Variants in WDR19 observed in about 807,000 individuals in gnomAD.
WDR19 encodes WD repeat domain 19.
A neutral mutation model predicts 180.0 loss-of-function variants in WDR19; 121 were observed. The ratio of observed to expected loss-of-function variants is 0.67; its 90% CI spans 0.58 to 0.78. The LOEUF (loss-of-function observed/expected upper bound fraction) is 0.78. Ranked by LOEUF, WDR19 falls within the 30% of genes least tolerant of loss-of-function variation. WDR19 has a pLI of 0.00. For missense variants in WDR19, 1,450 were observed against 1,640.7 expected, an observed-to-expected ratio of 0.88 and a Z score of 2.01; for synonymous variants, 497 against 540.7, an observed-to-expected ratio of 0.92 and a Z score of 1.12.
intron 20 of WDR19, chr4:39,238,098 A>G (rs999275517): frequency 6.6e-6 from 1 of 152,182 alleles, no homozygotes; most frequent in African/African-American, 2.4e-5. Context: ...TTCGGACCCT[A>G]ATGTACACAC....
At chr4:39,186,478 CAAAAAAAAAAAAA>C (rs71192831) in intron 2 of WDR19, 48 bp from the exon 3 acceptor site, 7 of 363,468 alleles carry the variant, frequency 1.9e-5, no homozygotes, top group African/African-American at 1.4e-4. Context: ...GACTCTGTCT[CAAAAAAAAAAAAA>C]AAAAAAAAAA....
chr4:39,250,396 T>A (rs1352576859), intron 24 of WDR19, among the ~76,000 whole-genome samples: 2 of 152,086 alleles, frequency 1.3e-5, no homozygotes, highest in African/African-American at 4.8e-5. Context: ...CCACAGCCAA[T>A]ATCATACTGA....
chr4:39,205,038 C>T (rs1222648945), intron 7 of WDR19, 116 bp from the exon 8 acceptor site: 2 of 663,232 alleles, frequency 3.0e-6, no homozygotes, highest in African/African-American at 3.6e-5. Context: ...GCATTTAGCA[C>T]ATCTAAATTG....
At chr4:39,237,406 A>G (rs556687627) in intron 20 of WDR19, among the ~76,000 whole-genome samples, 149 of 152,138 alleles carry the variant, frequency 9.8e-4, no homozygotes, top group Middle Eastern at 3.4e-3. Flanking sequence ...CAAAGAAAAA[A>G]AAAAGAAAAG....
intron 28 of WDR19, among the ~76,000 whole-genome samples, chr4:39,261,144 A>ATTT (rs35966394): frequency 7.4e-6 from 1 of 135,196 alleles, no homozygotes; most frequent in Admixed American, 7.4e-5. Context: ...ACACGCGGCT[A>ATTT]TTTTTTTTTT....
intron 15 of WDR19, 134 bp downstream of exon 15, chr4:39,225,167 A>AAACATG: frequency 1.5e-6 from 1 of 682,576 alleles, no homozygotes; most frequent in Non-Finnish European, 2.2e-6. Flanking sequence ...TCATCTTCAT[A>AAACATG]ATATCATGTT....
intron 28 of WDR19, among the ~76,000 whole-genome samples, chr4:39,265,165 C>T (rs1290489086): frequency 2.0e-5 from 3 of 151,826 alleles, no homozygotes; most frequent in Non-Finnish European, 2.9e-5. Flanking sequence ...GTGATCCACC[C>T]ACCTCAGCCT....
chr4:39,189,606 AT>A, intron 3 of WDR19, 49 bp from the exon 4 acceptor site: 2 of 1,466,080 alleles, frequency 1.4e-6, no homozygotes, highest in Non-Finnish European at 1.8e-6. Flanking sequence ...ACAAATAGTA[AT>A]TTTACTTTAA....
chr4:39,266,913 G>A (rs921905056), intron 29 of WDR19, among the ~76,000 whole-genome samples: 10 of 152,106 alleles, frequency 6.6e-5, no homozygotes, highest in Non-Finnish European at 1.3e-4. Context: ...GCGAAACCCC[G>A]TCTCTACAAA....
intron 4 of WDR19, among the ~76,000 whole-genome samples, chr4:39,193,165 C>CTT (rs530738984): frequency 5.6e-5 from 8 of 142,772 alleles, no homozygotes; most frequent in East Asian, 4.0e-4. Flanking sequence ...TTTTTCTTTT[C>CTT]TTTTTTTTTT....
intron 36 of WDR19, among the ~76,000 whole-genome samples, chr4:39,284,365 A>G: frequency 8.4e-6 from 1 of 119,014 alleles, no homozygotes; most frequent in Non-Finnish European, 1.7e-5. Flanking sequence ...TTGAGACAGG[A>G]TCTCACTCTG....
At chr4:39,218,164 CTCAG>C (rs1365802922) in intron 14 of WDR19, 59 bp downstream of exon 14, 1 of 1,540,914 alleles carries the variant, frequency 6.5e-7, no homozygotes, top group Non-Finnish European at 8.8e-7. Flanking sequence ...ATTTTGTGAT[CTCAG>C]TCATTCTCTT....
chr4:39,259,839 A>G (rs553848597), intron 28 of WDR19, among the ~76,000 whole-genome samples: 10 of 152,326 alleles, frequency 6.6e-5, no homozygotes, highest in African/African-American at 2.2e-4. Context: ...TTACATTCCA[A>G]CAGGCACTGT....
At chr4:39,248,046 T>C (rs905593825) in intron 24 of WDR19, among the ~76,000 whole-genome samples, 3 of 151,852 alleles carry the variant, frequency 2.0e-5, no homozygotes, top group African/African-American at 2.4e-5. Flanking sequence ...CCAAGACACA[T>C]AATTGTCAGA....
chr4:39,215,766 A>G, intron 10 of WDR19, 75 bp from the exon 11 acceptor site: 1 of 1,421,376 alleles, frequency 7.0e-7, no homozygotes. Context: ...CTGGTAGCTT[A>G]AATGAAAATA....
intron 20 of WDR19, among the ~76,000 whole-genome samples, chr4:39,237,426 C>T (rs1472484451): frequency 3.3e-5 from 5 of 151,846 alleles, no homozygotes; most frequent in African/African-American, 1.2e-4. Flanking sequence ...GCTAGCCAGG[C>T]CTGGGGTCAC....
At chr4:39,256,049 T>A in intron 27 of WDR19, 89 bp downstream of exon 27, 1 of 965,932 alleles carries the variant, frequency 1.0e-6, no homozygotes, top group Non-Finnish European at 1.6e-6. Flanking sequence ...GTAGGAAATA[T>A]ATGTAAATGC....
intron 24 of WDR19, among the ~76,000 whole-genome samples, chr4:39,248,678 A>G (rs1333635781): frequency 6.6e-6 from 1 of 152,154 alleles, no homozygotes; most frequent in African/African-American, 2.4e-5. Flanking sequence ...AAAATGGAAA[A>G]CAAAAAAAAG....
chr4:39,208,167 CAAAGG>C (rs1420742155), intron 9 of WDR19, among the ~76,000 whole-genome samples: 1 of 151,542 alleles, frequency 6.6e-6, no homozygotes, highest in Non-Finnish European at 1.5e-5. Context: ...CAAATCTAAA[CAAAGG>C]AAAGAAACAG....
Sources: gnomAD v4.1 joint callset for allele counts (sites outside exome capture counted in the v4.1 genomes callset) on GRCh38, gnomAD v4.1.1 for gene constraint, MANE v1.5 for transcripts, NCBI Gene and HGNC (gene_info 2026-07-23, HGNC 2026-07-21) for gene names.